The following TENM4 variants were observed in gnomAD, a reference collection of about 807,000 sequenced individuals.
TENM4 encodes teneurin-4.
A neutral mutation model predicts 243.3 loss-of-function variants in TENM4; 82 were observed. That is an observed-to-expected ratio of 0.34 (90% CI 0.28 to 0.40). The LOEUF is 0.40. TENM4 is among the 10% of genes least tolerant of loss of function. TENM4 has a pLI of 1.00. For synonymous variants in TENM4, 1,412 were observed against 1,456.3 expected, an observed-to-expected ratio of 0.97 and a Z score of 0.69; for missense variants, 3,138 against 3,673.3, an observed-to-expected ratio of 0.85 and a Z score of 3.77.
chr11:78,722,931 A>G lies in TENM4; in HGVS notation c.3551-14T>C. ...TGTGCAGGATGCCTGGGACAAGGAAAGAACAGAATTGCCTGTGGAGCAGGA... is the reference window on the plus strand; with the variant it reads ...TGTGCAGGATGCCTGGGACAAGGAAGGAACAGAATTGCCTGTGGAGCAGGA... On this transcript the variant is annotated splice_polypyrimidine_tract_variant and intron_variant, in intron 23 of 33. Coordinates refer to ENST00000278550, the MANE Select transcript of TENM4 (RefSeq NM_001098816.3). 6.2e-7 allele frequency: 1 copy of G among 1,609,078 alleles called. No homozygotes were observed. The highest frequency in any genetic ancestry group is 8.5e-7 in the Non-Finnish European group (1 of 1,175,550).
intron 1 of TENM4, among the ~76,000 whole-genome samples, chr11:79,367,060 G>C (rs1659814992): frequency 6.6e-6 from 1 of 152,122 alleles, no homozygotes; most frequent in Non-Finnish European, 1.5e-5. Context: ...CTAAACTTTG[G>C]AATTATTTGA....
intron 1 of TENM4, among the ~76,000 whole-genome samples, chr11:79,313,556 C>T (rs866618934): frequency 2.6e-5 from 4 of 152,302 alleles, no homozygotes; most frequent in Middle Eastern, 3.4e-3. Flanking sequence ...CTGCTGATTT[C>T]AAGGATCTGG....
intron 1 of TENM4, among the ~76,000 whole-genome samples, chr11:79,356,568 T>C (rs910403986): frequency 6.6e-6 from 1 of 152,184 alleles, no homozygotes; most frequent in Admixed American, 6.5e-5. Flanking sequence ...GGGCTTACAG[T>C]TTCTCCTTTA....
Position 79,430,697 on chromosome 11 carries a change from T to C in TENM4, c.-321+9812A>G, listed in dbSNP as rs566899837. ...GCTTCCCTCTTTATAGATGAGGACA[T>C]TGAGGAACAGAAGGGTCGCCCAAGG... On this transcript the variant is annotated intron_variant, in intron 1 of 33. Transcript: ENST00000278550. 5.9e-5 allele frequency among the ~76,000 whole-genome samples: 9 copies of C among 152,290 alleles called. No homozygotes were observed. In the South Asian group the frequency reaches 1.0e-3, roughly 18 times the overall value.
At chr11:79,249,923 A>T (rs1855580890) in intron 2 of TENM4, among the ~76,000 whole-genome samples, 1 of 152,234 alleles carries the variant, frequency 6.6e-6, no homozygotes, top group Non-Finnish European at 1.5e-5. Context: ...TTACTCATTT[A>T]TTACGTAAAC....
intron 1 of TENM4, among the ~76,000 whole-genome samples, chr11:79,394,934 G>A (rs1858310924): frequency 6.6e-6 from 1 of 152,208 alleles, no homozygotes; most frequent in Non-Finnish European, 1.5e-5. Flanking sequence ...CCAGAAGCCA[G>A]GAACCAGACA....
intron 2 of TENM4, among the ~76,000 whole-genome samples, chr11:79,277,174 A>G (rs769942122): frequency 2.6e-5 from 4 of 152,126 alleles, no homozygotes; most frequent in Non-Finnish European, 5.9e-5. Context: ...CAGGTGATTT[A>G]TGGAGCTCCT....
chr11:78,736,045 T>G (rs1363713459), intron 20 of TENM4, among the ~76,000 whole-genome samples: 2 of 152,030 alleles, frequency 1.3e-5, no homozygotes, highest in African/African-American at 4.8e-5. Flanking sequence ...TTGACCTCCC[T>G]GGGCTCAAGC....
At chr11:79,127,877 G>A (rs1272119755) in intron 4 of TENM4, among the ~76,000 whole-genome samples, 6 of 152,180 alleles carry the variant, frequency 3.9e-5, no homozygotes, top group African/African-American at 1.4e-4. Context: ...TTCCTTCAAG[G>A]TGAAGGATAA....
At chr11:78,988,848 T>C (rs750486821) in intron 6 of TENM4, among the ~76,000 whole-genome samples, 2 of 152,186 alleles carry the variant, frequency 1.3e-5, no homozygotes, top group Non-Finnish European at 2.9e-5. Context: ...CTAATTTGTT[T>C]TACTTTTTTG....
At chr11:79,170,788 C>T (rs1863023470) in intron 3 of TENM4, among the ~76,000 whole-genome samples, 1 of 152,170 alleles carries the variant, frequency 6.6e-6, no homozygotes. Context: ...GTTTAAGCCA[C>T]CCAGTTTTTG....
At chr11:78,915,888 T>C (rs1856304585) in intron 6 of TENM4, among the ~76,000 whole-genome samples, 2 of 152,180 alleles carry the variant, frequency 1.3e-5, no homozygotes, top group South Asian at 4.1e-4. Flanking sequence ...GACTTTCTCT[T>C]GGAAAAGACA....
chr11:79,241,718 G>A (rs1393336405), intron 2 of TENM4, among the ~76,000 whole-genome samples: 4 of 150,680 alleles, frequency 2.7e-5, no homozygotes, highest in Non-Finnish European at 5.9e-5. Context: ...ACATGTGAGC[G>A]TGTGTGTGTG....
chr11:79,423,877 CT>C (rs1565340871), intron 1 of TENM4, among the ~76,000 whole-genome samples: 1 of 152,116 alleles, frequency 6.6e-6, no homozygotes, highest in Admixed American at 6.5e-5. Flanking sequence ...TGTTCTCATC[CT>C]TCAAGTCGAC....
chr11:78,980,036 G>A (rs1197534798), intron 6 of TENM4, among the ~76,000 whole-genome samples: 45 of 152,300 alleles, frequency 3.0e-4, no homozygotes, highest in Non-Finnish European at 1.6e-4. Flanking sequence ...GTAGATGAGA[G>A]AAGATAAATT....
intron 3 of TENM4, among the ~76,000 whole-genome samples, chr11:79,170,615 C>G (rs1863019414): frequency 6.6e-6 from 1 of 152,168 alleles, no homozygotes; most frequent in African/African-American, 2.4e-5. Flanking sequence ...AAGGCAGAGA[C>G]TGGGGGATGC....
chr11:78,926,330 G>A (rs1321824697), intron 6 of TENM4, among the ~76,000 whole-genome samples: 2 of 148,834 alleles, frequency 1.3e-5, no homozygotes, highest in Non-Finnish European at 3.0e-5. Flanking sequence ...AGGCTGGAGT[G>A]CAGTGGCATG....
intron 3 of TENM4, among the ~76,000 whole-genome samples, chr11:79,172,667 T>C (rs557646): frequency 1.0e-4 from 2 of 19,810 alleles, no homozygotes; most frequent in South Asian, 1.1e-3. Context: ...TTTCTGTTCC[T>C]TTTTTTTTTT....
intron 16 of TENM4, among the ~76,000 whole-genome samples, chr11:78,782,752 T>A (rs1158109826): frequency 6.9e-6 from 1 of 144,364 alleles, no homozygotes; most frequent in East Asian, 2.0e-4. Context: ...CGCAACAGAG[T>A]GAGACTCTGT....
Sources: gnomAD v4.1 joint callset for allele counts (sites outside exome capture counted in the v4.1 genomes callset) on GRCh38, gnomAD v4.1.1 for gene constraint, MANE v1.5 for transcripts, NCBI Gene and HGNC (gene_info 2026-07-23, HGNC 2026-07-21) for gene names.